The following WDR7 variants were observed in gnomAD, a reference collection of about 807,000 sequenced individuals.
WDR7 encodes WD repeat domain 7.
A neutral mutation model predicts 169.4 loss-of-function variants in WDR7; 46 were observed. That is an observed-to-expected ratio of 0.27 (90% CI 0.21 to 0.35). The LOEUF (loss-of-function observed/expected upper bound fraction) is 0.35. Among genes scored for constraint, WDR7 ranks in the 10% least tolerant of loss-of-function variants. WDR7 has a pLI of 1.00. For synonymous variants in WDR7, 612 were observed against 666.8 expected, an observed-to-expected ratio of 0.92 and a Z score of 1.27; for missense variants, 1,534 against 1,859.3, an observed-to-expected ratio of 0.83 and a Z score of 3.22.
chr18:56,861,475 GCA>G (rs978252307), intron 20 of WDR7, among the ~76,000 whole-genome samples: 1 of 152,190 alleles, frequency 6.6e-6, no homozygotes. Context: ...TAGCATTGCT[GCA>G]CAGTCAGAAT....
At chr18:56,824,811 C>T (rs1231407139) in intron 20 of WDR7, among the ~76,000 whole-genome samples, 1 of 152,052 alleles carries the variant, frequency 6.6e-6, no homozygotes, top group Non-Finnish European at 1.5e-5. Flanking sequence ...GAAAATAATA[C>T]GTGTTCAAAA....
chr18:56,806,835 C>T (rs1359584414), intron 19 of WDR7, among the ~76,000 whole-genome samples: 1 of 152,082 alleles, frequency 6.6e-6, no homozygotes, highest in Non-Finnish European at 1.5e-5. Flanking sequence ...GGGAACATTG[C>T]ACTGTTTCCT....
intron 24 of WDR7, 124 bp downstream of exon 24, chr18:56,938,806 T>TGA: frequency 1.1e-6 from 1 of 944,322 alleles, no homozygotes; most frequent in Non-Finnish European, 1.5e-6. Context: ...AGAGAAAGAA[T>TGA]GAGTGTGTGT....
intron 26 of WDR7, among the ~76,000 whole-genome samples, chr18:57,016,183 G>A (rs2048204484): frequency 6.6e-6 from 1 of 152,040 alleles, no homozygotes. Context: ...ACTGCTTCCT[G>A]AGAAGCCCAC....
At chr18:56,931,195 C>T (rs1370715080) in intron 22 of WDR7, among the ~76,000 whole-genome samples, 1 of 152,074 alleles carries the variant, frequency 6.6e-6, no homozygotes, top group Non-Finnish European at 1.5e-5. Flanking sequence ...ATCCGCATAA[C>T]AGCCAGATAG....
At chr18:56,850,037 G>A (rs987036044) in intron 20 of WDR7, among the ~76,000 whole-genome samples, 1 of 152,066 alleles carries the variant, frequency 6.6e-6, no homozygotes, top group African/African-American at 2.4e-5. Context: ...CATGAATGTG[G>A]CCAAGTCTGT....
intron 19 of WDR7, among the ~76,000 whole-genome samples, chr18:56,787,287 A>C (rs924018146): frequency 6.6e-6 from 1 of 152,148 alleles, no homozygotes; most frequent in East Asian, 1.9e-4. Flanking sequence ...TCACAAGCGT[A>C]ATTATTTCTT....
intron 20 of WDR7, among the ~76,000 whole-genome samples, chr18:56,840,832 A>C (rs889757992): frequency 2.0e-5 from 3 of 151,982 alleles, no homozygotes; most frequent in Non-Finnish European, 2.9e-5. Flanking sequence ...AAAAAGAAAA[A>C]AAAAAGACCC....
chr18:57,007,348 GA>G (rs2048076481), intron 26 of WDR7, among the ~76,000 whole-genome samples: 1 of 152,100 alleles, frequency 6.6e-6, no homozygotes, highest in Admixed American at 6.5e-5. Context: ...TATACTTGGA[GA>G]AATCTTAAGT....
intron 26 of WDR7, among the ~76,000 whole-genome samples, chr18:56,976,615 C>G (rs1192810563): frequency 6.6e-6 from 1 of 152,164 alleles, no homozygotes; most frequent in Non-Finnish European, 1.5e-5. Flanking sequence ...TTGGCAGGAC[C>G]ACCTCAGGGT....
In WDR7 at chr18:56,959,546, G is replaced by A. The variant is rs77564262; in HGVS notation, c.4065-2884G>A. The stretch of plus-strand genomic sequence containing the variant: ...AAACATGAATATAAAAATGGTTCTT[G>A]CCAGGTCATGGGCAACTGCCTAAGT... On this transcript the variant is annotated intron_variant, in intron 25 of 27. Coordinates refer to ENST00000254442, the MANE Select transcript of WDR7 (RefSeq NM_015285.3). 2.7e-4 allele frequency among the ~76,000 whole-genome samples: 41 copies of A among 152,220 alleles called. No homozygotes were observed. The East Asian group carries it at 7.0e-3, about 26-fold the overall frequency.
At position 56,696,250 on chromosome 18, in the gene WDR7, C is replaced by T. The variant is rs373671297; in HGVS notation, c.1366C>T (p.Pro456Ser). 3.7e-6 allele frequency: 6 copies of T among 1,605,662 alleles called. No individual in the cohort carries two copies. Among genetic ancestry groups the T allele is most frequent in the South Asian group, 1.1e-5 (1 of 89,528 alleles). Residue 456 changes from proline (P) to serine (S), a missense_variant, in exon 12 of 28, where the codon CCT (proline) becomes TCT (serine). Transcript: ENST00000254442. ...GEHMLRRGWP[P>S]HRTLRGHRNK... The stretch of plus-strand genomic sequence containing the variant: ...CAAACCCTCATTCACAGGTTGGCCA[C>T]CTCACAGAACACTCCGTGGTCATCG...
At chr18:56,763,225 C>T (rs1568181198) in intron 16 of WDR7, among the ~76,000 whole-genome samples, 1 of 152,064 alleles carries the variant, frequency 6.6e-6, no homozygotes, top group East Asian at 1.9e-4. Context: ...GGATTACATG[C>T]GTGAGCCACC....
At chr18:56,714,444 CT>C (rs1192341254) in intron 12 of WDR7, among the ~76,000 whole-genome samples, 1,983 of 130,214 alleles carry the variant, frequency 0.015, 19 homozygotes, top group Middle Eastern at 0.064. Context: ...TTGGACGAAA[CT>C]TTTTTTTTTT....
chr18:56,758,981 A>G (rs777177069), intron 16 of WDR7, 28 bp downstream of exon 16: 1 of 1,571,904 alleles, frequency 6.4e-7, no homozygotes, highest in Non-Finnish European at 8.7e-7. Flanking sequence ...TAAGTAATTG[A>G]CATGACATTT....
rs533524931 is a variant in WDR7 at position 56,982,201 on chromosome 18, G to T, written c.4164+19672G>T. ...AAGCCCGTATCTGACTTTAAATAGG[G>T]CCACTTGTCCAGGGGTTTCAAGGAC... On this transcript the variant is annotated intron_variant, in intron 26 of 27. Coordinates refer to ENST00000254442, the MANE Select transcript of WDR7 (RefSeq NM_015285.3). Among the ~76,000 whole-genome samples the T allele has an allele frequency of 3.3e-5, 5 of 152,230 alleles. No individual in the cohort carries two copies. The East Asian group carries it at 9.7e-4, about 29-fold the overall frequency.
intron 1 of WDR7, among the ~76,000 whole-genome samples, chr18:56,652,415 G>T (rs2024675840): frequency 6.6e-6 from 1 of 152,178 alleles, no homozygotes; most frequent in Admixed American, 6.6e-5. Flanking sequence ...TATGGGCAAG[G>T]TTGCAGGAAT....
intron 1 of WDR7, among the ~76,000 whole-genome samples, chr18:56,656,694 A>G (rs939113016): frequency 9.9e-5 from 15 of 151,594 alleles, no homozygotes; most frequent in African/African-American, 3.6e-4. Flanking sequence ...ACTTTCTCTC[A>G]TCTTTGCCCA....
intron 20 of WDR7, among the ~76,000 whole-genome samples, chr18:56,817,809 G>A (rs866197112): frequency 6.6e-6 from 1 of 150,594 alleles, no homozygotes; most frequent in Admixed American, 6.6e-5. Flanking sequence ...GCAGTGGCGC[G>A]ATCTCGGCTC....
Sources: gnomAD v4.1 joint callset for allele counts (sites outside exome capture counted in the v4.1 genomes callset) on GRCh38, gnomAD v4.1.1 for gene constraint, MANE v1.5 for transcripts, NCBI Gene and HGNC (gene_info 2026-07-23, HGNC 2026-07-21) for gene names.